Variants in ZBTB10 observed in about 807,000 individuals in gnomAD.
ZBTB10 encodes the protein zinc finger and BTB domain containing 10.
ZBTB10 carries 32 observed loss-of-function variants against 76.4 expected under a neutral mutation model. That is an observed-to-expected ratio of 0.42 (90% confidence interval 0.32 to 0.56). The LOEUF (loss-of-function observed/expected upper bound fraction) is 0.56. Among genes scored for constraint, ZBTB10 ranks in the 20% least tolerant of loss-of-function variants. The probability of loss-of-function intolerance (pLI) is 0.14; values close to 1 mark genes in which losing one functional copy is unlikely to be tolerated. For missense variants in ZBTB10, 1,057 were observed against 1,098.5 expected, an observed-to-expected ratio of 0.96 and a Z score of 0.53; for synonymous variants, 523 against 432.9, an observed-to-expected ratio of 1.21 and a Z score of -2.58.
Position 80,511,686 on chromosome 8 carries a change from C to T in ZBTB10, c.1862-2224C>T, listed in dbSNP as rs935666326. Among the ~76,000 whole-genome samples, 8 of 152,184 alleles carry T rather than the reference C, an allele frequency of 5.3e-5. No homozygotes were observed. In the South Asian group the frequency reaches 1.7e-3, roughly 32 times the overall value. The stretch of plus-strand genomic sequence containing the variant: ...TGAAATACATTTAACTTTAAGAAAA[C>T]AAAACCACTAAATTTCAATTAAATA... On this transcript the variant is annotated intron_variant, in intron 2 of 5. Transcript: ENST00000455036.
chr8:80,494,646 C>T (rs1002143657), intron 1 of ZBTB10, among the ~76,000 whole-genome samples: 11 of 152,046 alleles, frequency 7.2e-5, no homozygotes, highest in African/African-American at 2.4e-4. Context: ...CCAGAGGGTA[C>T]ATGGCTCACA....
chr8:80,525,737 A>G lies in ZBTB10; in HGVS notation c.*6209A>G, dbSNP rs760759668. 2.0e-5 allele frequency: 3 copies of G among 152,196 alleles called. No individual in the cohort carries two copies. The highest frequency in any genetic ancestry group is 4.4e-5 in the Non-Finnish European group (3 of 68,038). 9.4% of individuals were successfully genotyped at this position (152,196 alleles called of 1,614,324 possible). On this transcript the variant is annotated 3_prime_UTR_variant, in exon 6 of 6. Transcript: ENST00000455036. ...TACTTGAGATTAGGGATAAGTTTGA[A>G]GTTAGAAGATTCCAGAGTACACTCA...
In ZBTB10 at chr8:80,487,753, G is replaced by C. The variant is rs749983100; in HGVS notation, c.943G>C (p.Glu315Gln). Residue 315 changes from glutamate (E) to glutamine (Q), a missense_variant, in exon 1 of 6, where the codon GAG becomes CAG. Physicochemically the swap from Glu to Gln is conservative, Grantham distance 29 (BLOSUM62 2). Around this residue, in one of 5 missense-constraint regions of ZBTB10, gnomAD observed 556 missense variants for 451.7 expected, o/e 1.23. Coordinates refer to ENST00000455036, the MANE Select transcript of ZBTB10 (RefSeq NM_001105539.3). ...TLLLRHHVST[E>Q]HKLHEANAQE... ...CCTCCTGAGGCACCACGTCTCTACC[G>C]AGCACAAACTCCACGAAGCCAACGC... 8 of 1,605,430 alleles carry C rather than the reference G, an allele frequency of 5.0e-6. No individual in the cohort carries two copies. The highest frequency in any genetic ancestry group is 6.8e-6 in the Non-Finnish European group (8 of 1,176,000).
chr8:80,524,274 C>T lies in ZBTB10; in HGVS notation c.*4746C>T, dbSNP rs949884748. The T allele has an allele frequency of 6.6e-6, 1 of 152,058 alleles. No homozygotes were observed. The highest frequency in any genetic ancestry group is 2.4e-5 in the African/African-American group (1 of 41,444). 9.4% of individuals were successfully genotyped at this position (152,058 alleles called of 1,614,324 possible). A position where few individuals can be genotyped will look rare whatever the true frequency, so the allele number is the denominator to read the frequency against. ...TTTTTATATGAAAGTACATAAATGA[C>T]AGACTACCTCCAAGTAATCCTGCTT... On this transcript the variant is annotated 3_prime_UTR_variant, in exon 6 of 6. Transcript: ENST00000455036.
intron 2 of ZBTB10, among the ~76,000 whole-genome samples, chr8:80,508,193 A>G (rs770012508): frequency 6.6e-6 from 1 of 152,198 alleles, no homozygotes; most frequent in Non-Finnish European, 1.5e-5. Context: ...CAGTTAAGGC[A>G]TTTTTGTGAC....
intron 1 of ZBTB10, among the ~76,000 whole-genome samples, chr8:80,494,099 A>T (rs1470554129): frequency 2.6e-5 from 4 of 152,220 alleles, no homozygotes; most frequent in African/African-American, 9.6e-5. Flanking sequence ...AAAATTTGGA[A>T]ATAGAAATTA....
chr8:80,513,996 G>A lies in ZBTB10; in HGVS notation c.1948G>A (p.Gly650Arg), dbSNP rs774088698. Residue 650 changes from glycine to arginine, a missense_variant, in exon 3 of 6, where the codon GGA becomes AGA. Coordinates refer to ENST00000455036, the MANE Select transcript of ZBTB10 (RefSeq NM_001105539.3). ...GGCTGAAGCTGGCACTAGTCAAGAT[G>A]GAGGTGATGCTGGTAGGTACAGTAA... ...LLAEAGTSQD[G>R]GDAGTSHDFK... is the part of the protein sequence containing the mutation. The A allele has an allele frequency of 6.2e-7, 1 of 1,613,330 alleles. No individual in the cohort carries two copies. The highest frequency in any genetic ancestry group is 8.5e-7 in the Non-Finnish European group (1 of 1,179,540).
chr8:80,490,940 T>C (rs1215789214), intron 1 of ZBTB10, among the ~76,000 whole-genome samples: 3 of 152,216 alleles, frequency 2.0e-5, no homozygotes, highest in Non-Finnish European at 2.9e-5. Flanking sequence ...TAGCGTACTT[T>C]GTTTTGTAAT....
chr8:80,488,286 A>G (rs552931157), intron 1 of ZBTB10, among the ~76,000 whole-genome samples: 4 of 152,352 alleles, frequency 2.6e-5, no homozygotes, highest in African/African-American at 7.2e-5. Context: ...TTTATATGAA[A>G]TCAAAATAAT....
Position 80,486,396 on chromosome 8 carries a change from T to A in ZBTB10, c.-415T>A, listed in dbSNP as rs1376086135. 1.2e-5 allele frequency: 12 copies of A among 987,330 alleles called. No individual in the cohort carries two copies. The highest frequency in any genetic ancestry group is 1.4e-5 in the Non-Finnish European group (12 of 832,306). 61.2% of individuals were successfully genotyped at this position (987,330 alleles called of 1,614,324 possible). A position where few individuals can be genotyped will look rare whatever the true frequency, so the allele number is the denominator to read the frequency against. On this transcript the variant is annotated 5_prime_UTR_variant, in exon 1 of 6. Coordinates refer to ENST00000455036, the MANE Select transcript of ZBTB10 (RefSeq NM_001105539.3). ...TCGGCGCGCGGAGGAAGGATATCTG[T>A]GTGGAGGATCGGTGTGTGCGCGCGC...
Position 80,486,232 on chromosome 8 carries a change from C to T in ZBTB10, c.-579C>T, listed in dbSNP as rs943296351. On this transcript the variant is annotated 5_prime_UTR_variant, in exon 1 of 6. Coordinates refer to ENST00000455036, the MANE Select transcript of ZBTB10 (RefSeq NM_001105539.3). Reference sequence around the variant, plus strand: ...GGCGCACGGTCCGTTGTTCATTTGCCATTCGACCTCCGCCAGGGCCTGGTC... The same window carrying T: ...GGCGCACGGTCCGTTGTTCATTTGCTATTCGACCTCCGCCAGGGCCTGGTC... 9.6e-7 allele frequency: 1 copy of T among 1,046,516 alleles called. No individual in the cohort carries two copies. 64.8% of individuals were successfully genotyped at this position (1,046,516 alleles called of 1,614,324 possible).
At chr8:80,493,207 G>GCGCGCACACACACACACACACACA (rs375071529) in intron 1 of ZBTB10, among the ~76,000 whole-genome samples, 4 of 125,244 alleles carry the variant, frequency 3.2e-5, no homozygotes, top group African/African-American at 1.2e-4. Context: ...GCGCGCGCGC[G>GCGCGCACACACACACACACACACA]CACACACACA....
chr8:80,498,802 T>C (rs1413631378), intron 1 of ZBTB10, among the ~76,000 whole-genome samples: 1 of 152,226 alleles, frequency 6.6e-6, no homozygotes, highest in Non-Finnish European at 1.5e-5. Context: ...GCAAAATTTA[T>C]AAACATTTAG....
At chr8:80,515,330 G>T (rs1015759504) in intron 3 of ZBTB10, among the ~76,000 whole-genome samples, 4 of 152,130 alleles carry the variant, frequency 2.6e-5, no homozygotes, top group Admixed American at 2.0e-4. Context: ...TTTCAAAGTT[G>T]GTGAGAACAG....
intron 1 of ZBTB10, among the ~76,000 whole-genome samples, chr8:80,491,654 A>G (rs1351399306): frequency 1.3e-5 from 2 of 152,194 alleles, no homozygotes; most frequent in Non-Finnish European, 2.9e-5. Context: ...GACAATTAAT[A>G]GTTTAATTTT....
rs1435658544 is a variant in ZBTB10, at chr8:80,522,558, A to T, written c.*3030A>T. On this transcript the variant is annotated 3_prime_UTR_variant, in exon 6 of 6. Coordinates refer to ENST00000455036, the MANE Select transcript of ZBTB10 (RefSeq NM_001105539.3). ...CACACTAGCAATTAAGAGTTTAAAA[A>T]AGAAGAAACGTTATAGGAAAGGGAA... The T allele has an allele frequency of 1.3e-5, 2 of 151,908 alleles. No individual in the cohort carries two copies. The highest frequency in any genetic ancestry group is 4.8e-5 in the African/African-American group (2 of 41,442). The allele number at this position is 151,908 out of a possible 1,614,324, so 9.4% of individuals were successfully genotyped here.
intron 1 of ZBTB10, among the ~76,000 whole-genome samples, chr8:80,493,201 GCGCGCGCACACACACA>G (rs1445656061): frequency 2.7e-5 from 3 of 110,640 alleles, no homozygotes; most frequent in African/African-American, 7.1e-5. Flanking sequence ...AAACGCGCGC[GCGCGCGCACACACACA>G]CACACACACA....
chr8:80,496,274 T>C (rs1815779815), intron 1 of ZBTB10, among the ~76,000 whole-genome samples: 1 of 152,184 alleles, frequency 6.6e-6, no homozygotes, highest in Admixed American at 6.5e-5. Flanking sequence ...TTTAGCTCTT[T>C]AACCCAAATC....
rs535353906 is a variant in ZBTB10 at position 80,521,135 on chromosome 8, G to A, written c.*1607G>A. 5.9e-5 allele frequency: 9 copies of A among 151,938 alleles called. No homozygotes were observed. In the East Asian group the frequency reaches 1.7e-3, roughly 29 times the overall value. The allele number at this position is 151,938 out of a possible 1,614,324, so 9.4% of individuals were successfully genotyped here. ...TTTTTAAGAGACAAGCTTTATCATT[G>A]TCTCTGATTTCAGTAGAATAATGGT... is the stretch of plus-strand genomic sequence containing the variant. On this transcript the variant is annotated 3_prime_UTR_variant, in exon 6 of 6. Coordinates refer to ENST00000455036, the MANE Select transcript of ZBTB10 (RefSeq NM_001105539.3).
Sources: gnomAD v4.1 joint callset for allele counts (sites outside exome capture counted in the v4.1 genomes callset) on GRCh38, gnomAD v4.1.1 for gene constraint, gnomAD v4.1.1 regional missense constraint, MANE v1.5 for transcripts, NCBI Gene and HGNC (gene_info 2026-07-23, HGNC 2026-07-21) for gene names.